PXDNL: variants seen among roughly 807,000 people sequenced by gnomAD.
PXDNL encodes the protein peroxidasin like.
In PXDNL, 145 loss-of-function variants were observed where a neutral mutation model predicts 150.8. That is an observed-to-expected ratio of 0.96 (90% CI 0.84 to 1.10). PXDNL has a LOEUF of 1.10. PXDNL is among the 50% of genes least tolerant of loss of function. The pLI is 0.00. For missense variants in PXDNL, 2,087 were observed against 1,873.9 expected, an observed-to-expected ratio of 1.11 and a Z score of -2.10; for synonymous variants, 757 against 725.7, an observed-to-expected ratio of 1.04 and a Z score of -0.69.
chr8:51,675,491 C>T (rs1395743530), intron 1 of PXDNL, among the ~76,000 whole-genome samples: 1 of 152,074 alleles, frequency 6.6e-6, no homozygotes, highest in Non-Finnish European at 1.5e-5. Flanking sequence ...AAATTTCTGT[C>T]CTGTAGAAAT....
rs753615336 is a variant in PXDNL, at chr8:51,345,905, G to T, written c.3944C>A (p.Ser1315Tyr). ...RGQFRAVTQE[S>Y]QKKRSAQYSY... ...GTATTGAGCTGAGCGTTTCTTTTGA[G>T]ACTCTTGCGTCACTGCTCTGAACTG... is the stretch of plus-strand genomic sequence containing the variant. Residue 1315 changes from serine (S) to tyrosine (Y), a missense_variant, in exon 20 of 23, where the codon TCT becomes TAT. Coordinates refer to ENST00000356297, the MANE Select transcript of PXDNL (RefSeq NM_144651.5). 13 of 1,613,714 alleles carry T rather than the reference G, an allele frequency of 8.1e-6. No individual in the cohort carries two copies. The highest frequency in any genetic ancestry group is 1.1e-5 in the Non-Finnish European group (13 of 1,179,658).
In PXDNL at chr8:51,408,798, G is replaced by A. The variant is rs1319203445; in HGVS notation, c.2826C>T (p.Thr942=). 9 of 1,571,094 alleles carry A rather than the reference G, an allele frequency of 5.7e-6. No individual in the cohort carries two copies. In the East Asian group the frequency reaches 1.8e-4, roughly 31 times the overall value. Residue 942 remains threonine, a synonymous_variant, in exon 17 of 23, where the codon ACC becomes ACT. Transcript: ENST00000356297. The part of the protein sequence containing the change: ...PLLPFSTGPP[T]ECARQEQESP... The stretch of plus-strand genomic sequence containing the variant: ...TCTCCTGCTCCTGTCGCGCGCACTC[G>A]GTGGGTGGGCCTGTAGAAAAGGGCA...
chr8:51,395,349 G>A (rs1161127112), intron 17 of PXDNL, among the ~76,000 whole-genome samples: 1 of 152,204 alleles, frequency 6.6e-6, no homozygotes, highest in Non-Finnish European at 1.5e-5. Flanking sequence ...AATCATCGAT[G>A]CAGGTATGGT....
At chr8:51,596,017 G>C (rs1428834183) in intron 2 of PXDNL, among the ~76,000 whole-genome samples, 1 of 152,100 alleles carries the variant, frequency 6.6e-6, no homozygotes, top group Non-Finnish European at 1.5e-5. Context: ...ACTGAGAATA[G>C]TACCAAATAG....
intron 2 of PXDNL, among the ~76,000 whole-genome samples, chr8:51,618,883 G>A (rs1814182803): frequency 6.6e-6 from 1 of 152,156 alleles, no homozygotes; most frequent in Admixed American, 6.5e-5. Context: ...CTTATTAAAA[G>A]AATGGTGAAT....
At chr8:51,575,589 C>T (rs1400074798) in intron 3 of PXDNL, among the ~76,000 whole-genome samples, 1 of 151,874 alleles carries the variant, frequency 6.6e-6, no homozygotes, top group Non-Finnish European at 1.5e-5. Flanking sequence ...GTGGTGCACG[C>T]CTGTAGTCCC....
chr8:51,507,701 C>T (rs1410756718), intron 4 of PXDNL, among the ~76,000 whole-genome samples: 1 of 152,176 alleles, frequency 6.6e-6, no homozygotes, highest in East Asian at 1.9e-4. Flanking sequence ...TTTGTTTTGT[C>T]CCCCTCCATC....
In PXDNL at chr8:51,345,938, C is replaced by G; in HGVS notation, c.3911G>C (p.Ser1304Thr). 7 of 1,607,444 alleles carry G rather than the reference C, an allele frequency of 4.4e-6. No homozygotes were observed. The highest frequency in any genetic ancestry group is 6.0e-6 in the Non-Finnish European group (7 of 1,173,956). ...CGTCACTGCTCTGAACTGTCCTCTA[C>G]TCCTACAGTCTGTGGGGAAAGAAGT... is the stretch of plus-strand genomic sequence containing the variant. Reference protein sequence around the residue: ...VWQDCCADCRSRGQFRAVTQE... With the variant: ...VWQDCCADCRTRGQFRAVTQE... Residue 1304 changes from serine to threonine, a missense_variant, in exon 20 of 23, where the codon AGT (serine) becomes ACT (threonine). By Grantham distance (58) the Ser-to-Thr change is moderately conservative (BLOSUM62 1). Transcript: ENST00000356297.
At chr8:51,508,291 A>G (rs1462434846) in intron 4 of PXDNL, among the ~76,000 whole-genome samples, 1 of 152,246 alleles carries the variant, frequency 6.6e-6, no homozygotes, top group Non-Finnish European at 1.5e-5. Context: ...GGCAAAGTCA[A>G]CTGTGAAATG....
intron 6 of PXDNL, 65 bp downstream of exon 6, chr8:51,483,578 G>T: frequency 2.0e-6 from 2 of 1,003,900 alleles, no homozygotes; most frequent in Non-Finnish European, 3.0e-6. Flanking sequence ...ACCAACCATT[G>T]TTTGGGATGG....
intron 12 of PXDNL, among the ~76,000 whole-genome samples, chr8:51,435,085 G>A (rs1339437240): frequency 1.3e-5 from 2 of 152,150 alleles, no homozygotes; most frequent in East Asian, 1.9e-4. Context: ...TTGGGAGGCC[G>A]AGGCGGGCAG....
chr8:51,438,925 G>A (rs773479507), intron 12 of PXDNL, among the ~76,000 whole-genome samples: 10 of 152,100 alleles, frequency 6.6e-5, no homozygotes, highest in Non-Finnish European at 1.2e-4. Flanking sequence ...AAATCAACAC[G>A]AGATTGATCA....
chr8:51,539,591 G>A (rs1393405411), intron 4 of PXDNL, among the ~76,000 whole-genome samples: 1 of 151,674 alleles, frequency 6.6e-6, no homozygotes, highest in East Asian at 1.9e-4. Context: ...GTTTTGTTTT[G>A]TTTTGTTTTT....
At chr8:51,427,900 T>C (rs762551642) in intron 12 of PXDNL, among the ~76,000 whole-genome samples, 13 of 152,108 alleles carry the variant, frequency 8.5e-5, no homozygotes, top group East Asian at 1.9e-4. Flanking sequence ...GAAAAGGACA[T>C]AGAAAGCAAA....
intron 12 of PXDNL, among the ~76,000 whole-genome samples, chr8:51,439,985 C>T (rs1809502024): frequency 6.6e-6 from 1 of 151,778 alleles, no homozygotes; most frequent in Non-Finnish European, 1.5e-5. Context: ...AATATGAAAC[C>T]AGCCCAAATG....
chr8:51,383,452 C>T (rs1351498786), intron 17 of PXDNL, among the ~76,000 whole-genome samples: 3 of 152,142 alleles, frequency 2.0e-5, no homozygotes, highest in Non-Finnish European at 4.4e-5. Flanking sequence ...TGACAATACA[C>T]ACCAAGCCCC....
chr8:51,492,782 C>T (rs1451025990), intron 5 of PXDNL, among the ~76,000 whole-genome samples: 4 of 152,156 alleles, frequency 2.6e-5, no homozygotes, highest in East Asian at 1.9e-4. Context: ...CAAAGCAGCC[C>T]AGAAGCTCGA....
chr8:51,637,851 C>T (rs995794513), intron 2 of PXDNL, among the ~76,000 whole-genome samples: 12 of 152,034 alleles, frequency 7.9e-5, no homozygotes, highest in Non-Finnish European at 1.0e-4. Flanking sequence ...ATACAGAGAA[C>T]GCCACAAAGA....
chr8:51,377,936 C>T (rs1372047041), intron 17 of PXDNL, among the ~76,000 whole-genome samples: 1 of 152,264 alleles, frequency 6.6e-6, no homozygotes, highest in East Asian at 1.9e-4. Flanking sequence ...CAGGCAGCTC[C>T]ACCTGCAGCC....
Sources: gnomAD v4.1 joint callset for allele counts (sites outside exome capture counted in the v4.1 genomes callset) on GRCh38, gnomAD v4.1.1 for gene constraint, MANE v1.5 for transcripts, NCBI Gene and HGNC (gene_info 2026-07-23, HGNC 2026-07-21) for gene names.